The following LAMA2 variants were observed in gnomAD, a reference collection of about 807,000 sequenced individuals.
LAMA2 encodes laminin subunit alpha-2.
A neutral mutation model predicts 364.8 loss-of-function variants in LAMA2; 269 were observed. The observed-to-expected ratio is 0.74, with a 90% CI of 0.67 to 0.82. The LOEUF is 0.82. Ranked by LOEUF, LAMA2 falls within the 40% of genes least tolerant of loss-of-function variation. The pLI, the probability that LAMA2 is intolerant of heterozygous loss-of-function variation, is 0.00. For synonymous variants in LAMA2, 1,379 were observed against 1,370.6 expected, an observed-to-expected ratio of 1.01 and a Z score of -0.14; for missense variants, 3,807 against 3,873.2, an observed-to-expected ratio of 0.98 and a Z score of 0.45.
rs2114287301 is a variant in LAMA2 at position 129,252,170 on chromosome 6, A to G, written c.1971A>G (p.Glu657=). The G allele has an allele frequency of 6.2e-7, 1 of 1,613,580 alleles. No individual in the cohort carries two copies. Among genetic ancestry groups the G allele is most frequent in the Admixed American group, 1.7e-5 (1 of 60,026 alleles). The change falls in exon 14 of 65, where the codon GAA becomes GAG. Residue 657 remains glutamate, a synonymous_variant. Transcript: ENST00000421865. The stretch of plus-strand genomic sequence containing the variant: ...ATACTAATGTATTGTTACTTAAAGA[A>G]GAATCATTTACCATACATGGCACAC... ...EEHTNVLLLK[E]ESFTIHGTHF...
intron 3 of LAMA2, among the ~76,000 whole-genome samples, chr6:129,090,411 C>A (rs988962287): frequency 6.6e-6 from 1 of 152,106 alleles, no homozygotes; most frequent in Non-Finnish European, 1.5e-5. Context: ...TATACTGATT[C>A]TTTAATATTA....
intron 10 of LAMA2, among the ~76,000 whole-genome samples, chr6:129,179,628 C>A (rs1172177220): frequency 6.6e-6 from 1 of 151,902 alleles, no homozygotes; most frequent in African/African-American, 2.4e-5. Flanking sequence ...ACTTGAAGCT[C>A]TACACAGACA....
At position 129,094,090 on chromosome 6, in the gene LAMA2, A is replaced by G. The variant is rs1376386141; in HGVS notation, c.397-4083A>G. Among the ~76,000 whole-genome samples, 6 of 152,344 alleles carry G rather than the reference A, an allele frequency of 3.9e-5. No homozygotes were observed. In the East Asian group the frequency reaches 1.2e-3, roughly 29 times the overall value. ...GAAAACATTAGAGAGTTATTTTATT[A>G]GGGCCATTAAATATTTGGAGTACAG... On this transcript the variant is annotated intron_variant, in intron 3 of 64. Transcript: ENST00000421865.
chr6:129,477,353 T>C (rs1784116226), intron 53 of LAMA2, among the ~76,000 whole-genome samples: 1 of 152,200 alleles, frequency 6.6e-6, no homozygotes, highest in Non-Finnish European at 1.5e-5. Flanking sequence ...AATAGCACTG[T>C]TATAATTAAA....
At chr6:129,094,496 G>A (rs111612666) in intron 3 of LAMA2, among the ~76,000 whole-genome samples, 2,662 of 152,220 alleles carry the variant, frequency 0.017, 67 homozygotes, top group African/African-American at 0.061. Context: ...TTATTCCAGA[G>A]CCAACACAGG....
intron 61 of LAMA2, 144 bp from the exon 62 acceptor site, chr6:129,507,345 G>A (rs1786172864): frequency 1.2e-6 from 1 of 820,346 alleles, no homozygotes; most frequent in Non-Finnish European, 2.0e-6. Context: ...TGGTAACAGA[G>A]AACCCAGGCA....
chr6:128,992,859 T>C (rs899677541), intron 1 of LAMA2, among the ~76,000 whole-genome samples: 2 of 152,216 alleles, frequency 1.3e-5, no homozygotes, highest in African/African-American at 4.8e-5. Context: ...TCCTTGAATC[T>C]ACTGATATGA....
At chr6:129,236,774 C>T (rs1462249516) in intron 12 of LAMA2, among the ~76,000 whole-genome samples, 2 of 151,784 alleles carry the variant, frequency 1.3e-5, no homozygotes, top group Admixed American at 6.6e-5. Flanking sequence ...TTTATTTTTC[C>T]TCATCTTATA....
At chr6:129,505,952 T>C (rs1786034524) in intron 61 of LAMA2, among the ~76,000 whole-genome samples, 1 of 152,210 alleles carries the variant, frequency 6.6e-6, no homozygotes, top group South Asian at 2.1e-4. Flanking sequence ...TAGCTGTGTG[T>C]TTTGGAGCAA....
At chr6:129,448,655 C>G (rs150147599) in intron 45 of LAMA2, among the ~76,000 whole-genome samples, 128 of 152,172 alleles carry the variant, frequency 8.4e-4, no homozygotes, top group African/African-American at 2.7e-3. Context: ...ATGAAAAATG[C>G]AGTGAAAATC....
intron 14 of LAMA2, 27 bp from the exon 15 acceptor site, chr6:129,260,671 AACTTTACTTATTC>A (rs112443263): frequency 3.2e-5 from 39 of 1,210,342 alleles, no homozygotes; most frequent in African/African-American, 2.7e-4. Context: ...AATACCTAAG[AACTTTACTTATTC>A]ACCATCTCTT....
At chr6:129,504,954 C>T (rs1301794534) in intron 60 of LAMA2, among the ~76,000 whole-genome samples, 8 of 152,166 alleles carry the variant, frequency 5.3e-5, no homozygotes, top group Admixed American at 1.3e-4. Flanking sequence ...GAGGAGACTT[C>T]GACCTAAAAC....
intron 37 of LAMA2, among the ~76,000 whole-genome samples, chr6:129,393,972 G>C (rs1436924869): frequency 6.6e-6 from 1 of 152,170 alleles, no homozygotes; most frequent in Non-Finnish European, 1.5e-5. Flanking sequence ...CTCAACTCAA[G>C]AAATTATGGG....
intron 40 of LAMA2, among the ~76,000 whole-genome samples, chr6:129,414,837 A>G (rs886236695): frequency 6.6e-6 from 1 of 152,242 alleles, no homozygotes; most frequent in African/African-American, 2.4e-5. Flanking sequence ...TCCAGGATCA[A>G]CAATTCCAAA....
chr6:128,978,691 T>G (rs1479285013), intron 1 of LAMA2, among the ~76,000 whole-genome samples: 1 of 152,178 alleles, frequency 6.6e-6, no homozygotes, highest in Non-Finnish European at 1.5e-5. Context: ...ATCAACCTAA[T>G]GGCAAGTATC....
chr6:128,956,770 G>C (rs1470218731), intron 1 of LAMA2, among the ~76,000 whole-genome samples: 1 of 151,196 alleles, frequency 6.6e-6, no homozygotes, highest in East Asian at 1.9e-4. Context: ...ATTCATGTTT[G>C]GTTCTCCACT....
chr6:128,993,975 G>A (rs1783768745), intron 1 of LAMA2, among the ~76,000 whole-genome samples: 1 of 152,160 alleles, frequency 6.6e-6, no homozygotes, highest in Admixed American at 6.5e-5. Flanking sequence ...CTTGATAACT[G>A]CAGTGGTTTT....
intron 10 of LAMA2, among the ~76,000 whole-genome samples, chr6:129,189,283 AG>A (rs1235457334): frequency 6.6e-6 from 1 of 152,066 alleles, no homozygotes; most frequent in African/African-American, 2.4e-5. Context: ...TTCAAGGAAG[AG>A]GGGAAATGTA....
rs776457288 is a variant in LAMA2 at position 129,250,192 on chromosome 6, C to A, written c.1863C>A (p.Leu621=). The stretch of plus-strand genomic sequence containing the variant: ...AGGAAGAAGATACAGAACGTGTTCT[C>A]CAGCTTATGATTATCTTAGAGGTAG... ...EEEEEDTERV[L]QLMIILEGND... is the part of the protein sequence containing the mutation. The change falls in exon 13 of 65, where the codon CTC becomes CTA. Residue 621 remains leucine, a synonymous_variant. Transcript: ENST00000421865. The A allele has an allele frequency of 1.9e-6, 3 of 1,590,292 alleles. No homozygotes were observed. The highest frequency in any genetic ancestry group is 2.6e-6 in the Non-Finnish European group (3 of 1,159,248).
Sources: allele counts gnomAD v4.1 joint callset (sites outside exome capture counted in the v4.1 genomes callset), GRCh38; gene constraint gnomAD v4.1.1; transcripts MANE v1.5; gene names NCBI Gene and HGNC (gene_info 2026-07-23, HGNC 2026-07-21).